Variants in INPP5A observed in about 807,000 individuals in gnomAD.
INPP5A encodes 43 kDa inositol polyphosphate 5-phophatase.
A neutral mutation model predicts 65.2 loss-of-function variants in INPP5A; 14 were observed. That is an observed-to-expected ratio of 0.21 (90% CI 0.14 to 0.34). The LOEUF is 0.34. Among genes scored for constraint, INPP5A ranks in the 10% least tolerant of loss-of-function variants. The pLI, the probability that INPP5A is intolerant of heterozygous loss-of-function variation, is 1.00. For synonymous variants in INPP5A, 207 were observed against 208.3 expected (o/e 0.99, Z 0.05); for missense variants, 431 against 545.6 (o/e 0.79, Z 2.09).
At chr10:132,602,935 G>C (rs2071795404) in intron 1 of INPP5A, among the ~76,000 whole-genome samples, 1 of 152,126 alleles carries the variant, frequency 6.6e-6, no homozygotes, top group Admixed American at 6.6e-5. Flanking sequence ...ACAGCAATTT[G>C]CTTATTTTCT....
At chr10:132,720,950 C>A (rs546585877) in intron 8 of INPP5A, among the ~76,000 whole-genome samples, 1 of 150,192 alleles carries the variant, frequency 6.7e-6, no homozygotes, top group East Asian at 2.0e-4. Context: ...TGTCTGGGCG[C>A]CTTAGACGGC....
chr10:132,565,821 GTA>G (rs2071267916), intron 1 of INPP5A, among the ~76,000 whole-genome samples: 1 of 151,618 alleles, frequency 6.6e-6, no homozygotes, highest in African/African-American at 2.4e-5. Context: ...GTGTATGCAT[GTA>G]TGTGTGCATG....
rs2072949740 is a variant in INPP5A, at chr10:132,675,439, A to G, written c.307-14953A>G. ...AGAGAGGAGAAAGGAATGAGACTCAAGGCAGTTGGGGGAAGCGGGCAAATG... is the reference window on the plus strand; with the variant it reads ...AGAGAGGAGAAAGGAATGAGACTCAGGGCAGTTGGGGGAAGCGGGCAAATG... On this transcript the variant is annotated intron_variant, in intron 4 of 15. Transcript: ENST00000368594. The surrounding 1 kb of genome is among the most constrained non-coding windows in gnomAD (Gnocchi z 4.2). Among the ~76,000 whole-genome samples the G allele has an allele frequency of 6.6e-6, 1 of 152,254 alleles. No homozygotes were observed. Among genetic ancestry groups the G allele is most frequent in the Non-Finnish European group, 1.5e-5 (1 of 68,040 alleles).
chr10:132,704,221 G>C lies in INPP5A; in HGVS notation c.475-4092G>C, dbSNP rs1439391000. Among the ~76,000 whole-genome samples, 2 of 152,080 alleles carry C rather than the reference G, an allele frequency of 1.3e-5. No individual in the cohort carries two copies. Among genetic ancestry groups the C allele is most frequent in the Admixed American group, 6.5e-5 (1 of 15,278 alleles). ...TGAGGCGCCTTGGCCTGCAGGGACG[G>C]TACCTTTTCTCCTGGAAAGACGCCT... is the stretch of plus-strand genomic sequence containing the variant. On this transcript the variant is annotated intron_variant, in intron 6 of 15. Transcript: ENST00000368594. This position sits in a 1 kb window ranked among gnomAD's most constrained non-coding sequence, Gnocchi z 4.5.
intron 1 of INPP5A, among the ~76,000 whole-genome samples, chr10:132,577,733 A>T (rs1363094604): frequency 6.6e-6 from 1 of 152,220 alleles, no homozygotes. Flanking sequence ...TGCCTGTCTC[A>T]GGGAGGCATT....
At chr10:132,732,013 G>C (rs1371754202) in intron 9 of INPP5A, among the ~76,000 whole-genome samples, 3 of 152,178 alleles carry the variant, frequency 2.0e-5, no homozygotes, top group Non-Finnish European at 4.4e-5. Flanking sequence ...GGGAGCCCCC[G>C]GCACCCCAGG....
At chr10:132,626,584 C>G (rs975088969) in intron 2 of INPP5A, among the ~76,000 whole-genome samples, 1 of 152,224 alleles carries the variant, frequency 6.6e-6, no homozygotes, top group African/African-American at 2.4e-5. Flanking sequence ...GCAGACTGTG[C>G]AATTCTTTCT....
At chr10:132,540,899 G>C (rs535102827) in intron 1 of INPP5A, among the ~76,000 whole-genome samples, 4 of 152,184 alleles carry the variant, frequency 2.6e-5, no homozygotes, top group Non-Finnish European at 5.9e-5. Flanking sequence ...GGACTGTGGC[G>C]GACTCTGTTT....
At position 132,551,057 on chromosome 10, in the gene INPP5A, C is replaced by A. The variant is rs2133253966; in HGVS notation, c.75+12886C>A. On this transcript the variant is annotated intron_variant, in intron 1 of 15. Transcript: ENST00000368594. The surrounding 1 kb of genome is among the most constrained non-coding windows in gnomAD (Gnocchi z 5.3). Reference sequence around the variant, plus strand: ...CAGTGGCTTCAGTAGCCACACGCTGCTTGGTCCAGGTTCCTGCCTGAGCCC... The same window carrying A: ...CAGTGGCTTCAGTAGCCACACGCTGATTGGTCCAGGTTCCTGCCTGAGCCC... 6.6e-6 allele frequency among the ~76,000 whole-genome samples: 1 copy of A among 152,358 alleles called. No individual in the cohort carries two copies. Among genetic ancestry groups the A allele is most frequent in the South Asian group, 2.1e-4 (1 of 4,828 alleles).
At chr10:132,708,191 C>T in intron 6 of INPP5A, 122 bp from the exon 7 acceptor site, 1 of 806,020 alleles carries the variant, frequency 1.2e-6, no homozygotes, top group South Asian at 1.6e-5. Flanking sequence ...GGCATCAGTG[C>T]CGGAAGAGCC....
intron 1 of INPP5A, among the ~76,000 whole-genome samples, chr10:132,557,739 A>G (rs550407135): frequency 6.6e-6 from 1 of 152,316 alleles, no homozygotes; most frequent in South Asian, 2.1e-4. Context: ...CTCGGGCTGC[A>G]GGGAGGTGAG....
chr10:132,540,124 G>A (rs1183461503), intron 1 of INPP5A, among the ~76,000 whole-genome samples: 3 of 152,158 alleles, frequency 2.0e-5, no homozygotes, highest in Admixed American at 1.3e-4. Flanking sequence ...CGTTAGCTGC[G>A]GCTTCAAAGC....
At chr10:132,601,529 T>C (rs1003687421) in intron 1 of INPP5A, among the ~76,000 whole-genome samples, 5 of 152,262 alleles carry the variant, frequency 3.3e-5, no homozygotes, top group Admixed American at 3.3e-4. Context: ...TTTTTCCTTT[T>C]GTTGCCTGTG....
At chr10:132,717,241 C>T (rs542612984) in intron 8 of INPP5A, among the ~76,000 whole-genome samples, 2 of 152,290 alleles carry the variant, frequency 1.3e-5, no homozygotes, top group South Asian at 2.1e-4. Context: ...ATCAGGGCCC[C>T]GCCTCCCTCC....
intron 4 of INPP5A, among the ~76,000 whole-genome samples, chr10:132,671,188 G>T (rs2072885268): frequency 6.6e-6 from 1 of 152,144 alleles, no homozygotes; most frequent in Non-Finnish European, 1.5e-5. Flanking sequence ...TCTCCCTTCT[G>T]ATTGGGACAG....
At chr10:132,673,946 C>T (rs574661534) in intron 4 of INPP5A, among the ~76,000 whole-genome samples, 7 of 152,334 alleles carry the variant, frequency 4.6e-5, no homozygotes, top group South Asian at 2.1e-4. Flanking sequence ...CCTTGGTGAG[C>T]GGAAGCTCAT....
rs139541213 is a variant in INPP5A, at chr10:132,618,002, G to A, written c.117+10046G>A. 6.6e-5 allele frequency among the ~76,000 whole-genome samples: 10 copies of A among 152,280 alleles called. No individual in the cohort carries two copies. The East Asian group carries it at 1.7e-3, about 26-fold the overall frequency. ...TCAGAATATTTTATGATATAGTTAG[G>A]CCTTAATTTTTTAAAGTTGTTTTTC... On this transcript the variant is annotated intron_variant, in intron 2 of 15. Coordinates refer to ENST00000368594, the MANE Select transcript of INPP5A (RefSeq NM_005539.5).
intron 2 of INPP5A, among the ~76,000 whole-genome samples, chr10:132,642,292 T>C (rs2072436075): frequency 6.6e-6 from 1 of 152,210 alleles, no homozygotes; most frequent in Non-Finnish European, 1.5e-5. Context: ...CTCTGTGCAG[T>C]GTCCGGCGGG....
chr10:132,569,074 CCTGT>C (rs1236275263), intron 1 of INPP5A, among the ~76,000 whole-genome samples: 1 of 151,876 alleles, frequency 6.6e-6, no homozygotes, highest in Non-Finnish European at 1.5e-5. Flanking sequence ...TTCCACCATG[CCTGT>C]CTAATTTTTG....
Sources: gnomAD v4.1 joint callset for allele counts (sites outside exome capture counted in the v4.1 genomes callset) on GRCh38, gnomAD v4.1.1 for gene constraint, Gnocchi (gnomAD v3.1) non-coding constraint, MANE v1.5 for transcripts, NCBI Gene and HGNC (gene_info 2026-07-23, HGNC 2026-07-21) for gene names.